Variants in PTCH2 observed in about 807,000 individuals in gnomAD.
PTCH2 encodes protein patched homolog 2.
In PTCH2, 96 loss-of-function variants were observed where a neutral mutation model predicts 117.9. The ratio of observed to expected loss-of-function variants is 0.81; its 90% confidence interval spans 0.69 to 0.96. The LOEUF is 0.96. Ranked by LOEUF, PTCH2 falls within the 50% of genes least tolerant of loss-of-function variation. The pLI is 0.00. For synonymous variants in PTCH2, 615 were observed against 660.9 expected, an observed-to-expected ratio of 0.93 and a Z score of 1.06; for missense variants, 1,379 against 1,562.5, an observed-to-expected ratio of 0.88 and a Z score of 1.98.
chr1:44,824,177 G>C (rs928199910), intron 19 of PTCH2, among the ~76,000 whole-genome samples: 4 of 152,216 alleles, frequency 2.6e-5, no homozygotes, highest in Non-Finnish European at 5.9e-5. Flanking sequence ...CTAGAAGAGG[G>C]ACATCAAAGT....
intron 2 of PTCH2, among the ~76,000 whole-genome samples, chr1:44,835,219 G>C (rs1653632756): frequency 6.6e-6 from 1 of 152,234 alleles, no homozygotes; most frequent in Admixed American, 6.5e-5. Context: ...ACCATGCCCA[G>C]TTAATGTTTG....
chr1:44,842,065 C>T (rs368230481), intron 1 of PTCH2, 26 bp from the exon 2 acceptor site: 7 of 1,576,078 alleles, frequency 4.4e-6, no homozygotes, highest in Non-Finnish European at 6.1e-6. Flanking sequence ...AAGGGTCAGC[C>T]AGGCATCACT....
At chr1:44,822,802 G>A (rs1227694381) in intron 21 of PTCH2, 133 bp from the exon 22 acceptor site, 4 of 1,014,226 alleles carry the variant, frequency 3.9e-6, no homozygotes, top group African/African-American at 1.6e-5. Context: ...TATGAGAGCT[G>A]GCAGGCGACA....
intron 2 of PTCH2, among the ~76,000 whole-genome samples, chr1:44,838,077 G>A (rs11573556): frequency 2.6e-3 from 367 of 138,916 alleles, no homozygotes; most frequent in Non-Finnish European, 4.5e-3. Flanking sequence ...TCAAGACTCC[G>A]TCTCAAAAAA....
Position 44,826,922 on chromosome 1 carries a change from G to A in PTCH2, c.2675C>T (p.Thr892Ile), listed in dbSNP as rs756174992. Reference sequence around the variant, plus strand: ...CTCACTGCGAAGGTTCTCCCCCGTGGTGTCGTATTTGTCGTGCAGCCATTC... The same window carrying A: ...CTCACTGCGAAGGTTCTCCCCCGTGATGTCGTATTTGTCGTGCAGCCATTC... ...PPEWLHDKYDTTGENLRIPPA... is the reference protein window; with the variant it reads ...PPEWLHDKYDITGENLRIPPA... Residue 892 changes from threonine (T) to isoleucine (I), a missense_variant, in exon 17 of 22, where the codon ACC (threonine) becomes ATC (isoleucine). By Grantham distance (89) the Thr-to-Ile change is moderately conservative. Transcript: ENST00000372192. This position sits in a 1 kb window ranked among gnomAD's most constrained non-coding sequence, Gnocchi z 5.1. The A allele has an allele frequency of 2.5e-6, 4 of 1,614,074 alleles. No homozygotes were observed. The highest frequency in any genetic ancestry group is 3.4e-6 in the Non-Finnish European group (4 of 1,180,032).
downstream of PTCH2, chr1:44,820,377 GGTCCT>G: frequency 1.7e-6 from 1 of 586,208 alleles, no homozygotes; most frequent in Non-Finnish European, 3.2e-6. Context: ...CAGGGGTTAA[GGTCCT>G]GTCCCGCCGT....
At position 44,827,618 on chromosome 1, in the gene PTCH2, G is replaced by C; in HGVS notation, c.2155C>G (p.Arg719Gly). Residue 719 changes from arginine to glycine, a missense_variant, in exon 15 of 22, where the codon CGG becomes GGG. Arg to Gly is a moderately radical substitution (Grantham distance 125). Coordinates refer to ENST00000372192, the MANE Select transcript of PTCH2 (RefSeq NM_003738.5). ...DGLALTDVVP[R>G]GTKEHAFLSA... is the part of the protein sequence containing the mutation. ...AGGAAGGCATGCTCCTTGGTGCCCC[G>C]AGGCACCACATCCGTCAGGGCCAGG... The C allele has an allele frequency of 6.2e-7, 1 of 1,613,820 alleles. No homozygotes were observed. Among genetic ancestry groups the C allele is most frequent in the Non-Finnish European group, 8.5e-7 (1 of 1,180,022 alleles).
In PTCH2 at chr1:44,832,245, T is replaced by A; in HGVS notation, c.362A>T (p.Gln121Leu). ...TSQMLIQTAR[Q>L]EGENILTPEA... is the part of the protein sequence containing the mutation. ...GGGTGTGAGGATGTTCTCTCCCTCCTGGCGTGCGGTCTGTATCAGCATCTG... is the reference window on the plus strand; with the variant it reads ...GGGTGTGAGGATGTTCTCTCCCTCCAGGCGTGCGGTCTGTATCAGCATCTG... Residue 121 changes from glutamine (Q) to leucine (L), a missense_variant, in exon 3 of 22, where the codon CAG becomes CTG. Coordinates refer to ENST00000372192, the MANE Select transcript of PTCH2 (RefSeq NM_003738.5). The A allele has an allele frequency of 6.2e-7, 1 of 1,614,168 alleles. No individual in the cohort carries two copies. Among genetic ancestry groups the A allele is most frequent in the Non-Finnish European group, 8.5e-7 (1 of 1,180,016 alleles).
chr1:44,829,104 GA>G, intron 10 of PTCH2, 30 bp from the exon 11 acceptor site: 1 of 1,613,628 alleles, frequency 6.2e-7, no homozygotes. Context: ...GGCAGCTGAG[GA>G]CCCGTGAAGC....
chr1:44,830,551 AC>A (rs1653386382), intron 6 of PTCH2, among the ~76,000 whole-genome samples: 1 of 141,048 alleles, frequency 7.1e-6, no homozygotes, highest in Non-Finnish European at 1.5e-5. Context: ...CCAAGATCGA[AC>A]TACTGCACTC....
In PTCH2 at chr1:44,826,341, C is replaced by T. The variant is rs2148873767; in HGVS notation, c.3023G>A (p.Gly1008Asp). ...MMTVELFGIMGFLGIKLSAIP... is the reference protein window; with the variant it reads ...MMTVELFGIMDFLGIKLSAIP... Reference sequence around the variant, plus strand: ...GGCACTCAGCTTGATGCCCAGGAAACCCATGATACCAAAGAGTTCCACTGT... The same window carrying T: ...GGCACTCAGCTTGATGCCCAGGAAATCCATGATACCAAAGAGTTCCACTGT... Residue 1008 changes from glycine (G) to aspartate (D), a missense_variant, in exon 19 of 22, where the codon GGT becomes GAT. Coordinates refer to ENST00000372192, the MANE Select transcript of PTCH2 (RefSeq NM_003738.5). The surrounding 1 kb of genome is among the most constrained non-coding windows in gnomAD (Gnocchi z 5.1). 1.2e-6 allele frequency: 2 copies of T among 1,614,102 alleles called. No homozygotes were observed. Among genetic ancestry groups the T allele is most frequent in the Non-Finnish European group, 1.7e-6 (2 of 1,180,026 alleles).
rs770749603 is a variant in PTCH2 at position 44,826,875 on chromosome 1, T to A, written c.2695+27A>T. On this transcript the variant is annotated intron_variant, in intron 17 of 21. Coordinates refer to ENST00000372192, the MANE Select transcript of PTCH2 (RefSeq NM_003738.5). The surrounding 1 kb of genome is among the most constrained non-coding windows in gnomAD (Gnocchi z 5.1). ...GGGCTTGTGTGGGCGAGGCTGAGGCTCTTGCCGAGCTCCCCCCAAGACTCA... is the reference window on the plus strand; with the variant it reads ...GGGCTTGTGTGGGCGAGGCTGAGGCACTTGCCGAGCTCCCCCCAAGACTCA... The A allele has an allele frequency of 1.2e-6, 2 of 1,613,742 alleles. No individual in the cohort carries two copies. Among genetic ancestry groups the A allele is most frequent in the South Asian group, 2.2e-5 (2 of 91,080 alleles).
chr1:44,825,998 C>T (rs1299942332), intron 19 of PTCH2, among the ~76,000 whole-genome samples: 1 of 151,940 alleles, frequency 6.6e-6, no homozygotes, highest in East Asian at 1.9e-4. Context: ...GCATGTGCCA[C>T]CACGCCTGGC....
Position 44,826,599 on chromosome 1 carries a change from T to C in PTCH2, c.2865A>G (p.Glu955=), listed in dbSNP as rs895448868. The C allele has an allele frequency of 9.9e-6, 16 of 1,613,218 alleles. No homozygotes were observed. The highest frequency in any genetic ancestry group is 1.4e-5 in the Non-Finnish European group (16 of 1,180,014). Reference sequence around the variant, plus strand: ...AGCAGCGCCGCAGGCCCAGATACTGTTCCCAGAAGAGGAAGGGGGAGCCGC... The same window carrying C: ...AGCAGCGCCGCAGGCCCAGATACTGCTCCCAGAAGAGGAAGGGGGAGCCGC... ...YPSGSPFLFW[E]QYLGLRRCFL... is the part of the protein sequence containing the mutation. The change falls in exon 18 of 22, where the codon GAA becomes GAG. Residue 955 remains glutamate (E), a synonymous_variant. Transcript: ENST00000372192. The surrounding 1 kb of genome is among the most constrained non-coding windows in gnomAD (Gnocchi z 5.1).
In PTCH2 at chr1:44,826,480, G is replaced by T; in HGVS notation, c.2976+8C>A. The T allele has an allele frequency of 6.2e-7, 1 of 1,613,836 alleles. No individual in the cohort carries two copies. The highest frequency in any genetic ancestry group is 8.5e-7 in the Non-Finnish European group (1 of 1,179,998). On this transcript the variant is annotated splice_region_variant and intron_variant, in intron 18 of 21. Coordinates refer to ENST00000372192, the MANE Select transcript of PTCH2 (RefSeq NM_003738.5). This position sits in a 1 kb window ranked among gnomAD's most constrained non-coding sequence, Gnocchi z 5.1. ...GGTGTCTCTGTCCCCACTCCTGCAA[G>T]CACTCACTATGAGGCCAGCCGTCCA... is the stretch of plus-strand genomic sequence containing the variant.
At chr1:44,828,897 T>G (rs1036404114) in intron 11 of PTCH2, 85 bp downstream of exon 11, 1 of 1,425,208 alleles carries the variant, frequency 7.0e-7, no homozygotes, top group Non-Finnish European at 9.7e-7. Context: ...CGAGGTTCAT[T>G]AGCAGCCCAA....
In PTCH2 at chr1:44,832,003, G is replaced by C. The variant is rs1239103579; in HGVS notation, c.497C>G (p.Pro166Arg). Residue 166 changes from proline to arginine, a missense_variant, in exon 4 of 22, where the codon CCC (proline) becomes CGC (arginine). Physicochemically the swap from Pro to Arg is moderately radical, Grantham distance 103. Transcript: ENST00000372192. ...LNKICYKSGV[P>R]LIENGMIERM... Reference sequence around the variant, plus strand: ...CTCAATCATTCCATTTTCAATAAGGGGAACTCCTGACTTGTAGCAGATTTT... The same window carrying C: ...CTCAATCATTCCATTTTCAATAAGGCGAACTCCTGACTTGTAGCAGATTTT... The C allele has an allele frequency of 6.2e-7, 1 of 1,613,270 alleles. No individual in the cohort carries two copies. Among genetic ancestry groups the C allele is most frequent in the African/African-American group, 1.3e-5 (1 of 74,846 alleles).
rs528388147 is a variant in PTCH2, at chr1:44,835,986, G to A, written c.266-3645C>T. On this transcript the variant is annotated intron_variant, in intron 2 of 21. Coordinates refer to ENST00000372192, the MANE Select transcript of PTCH2 (RefSeq NM_003738.5). The stretch of plus-strand genomic sequence containing the variant: ...AGAATCTGGTGGAAATCGGTGGAAG[G>A]GCACTAAGAAGGGGACTGACTTGGC... Among the ~76,000 whole-genome samples the A allele has an allele frequency of 3.9e-5, 6 of 152,232 alleles. No individual in the cohort carries two copies. In the South Asian group the frequency reaches 1.2e-3, roughly 32 times the overall value.
In PTCH2 at chr1:44,826,967, T is replaced by A. The variant is rs1328928565; in HGVS notation, c.2630A>T (p.Asn877Ile). ...DPLGLAASQA[N>I]FYPPPPEWLH... is the part of the protein sequence containing the mutation. ...CCATTCAGGAGGTGGGGGGTAGAAG[T>A]TGGCCTGTGAGGCTGCCAGACCCAG... Residue 877 changes from asparagine (N) to isoleucine (I), a missense_variant, in exon 17 of 22, where the codon AAC becomes ATC. Asn to Ile is a moderately radical substitution (Grantham distance 149). Transcript: ENST00000372192. The surrounding 1 kb of genome is among the most constrained non-coding windows in gnomAD (Gnocchi z 5.1). 1 of 1,613,850 alleles carries A rather than the reference T, an allele frequency of 6.2e-7. No homozygotes were observed. The highest frequency in any genetic ancestry group is 8.5e-7 in the Non-Finnish European group (1 of 1,180,006).
Sources: gnomAD v4.1 joint callset for allele counts (sites outside exome capture counted in the v4.1 genomes callset) on GRCh38, gnomAD v4.1.1 for gene constraint, Gnocchi (gnomAD v3.1) non-coding constraint, MANE v1.5 for transcripts, NCBI Gene and HGNC (gene_info 2026-07-23, HGNC 2026-07-21) for gene names.